MAP2K7: variants seen among roughly 807,000 people sequenced by gnomAD.
MAP2K7 encodes the protein mitogen-activated protein kinase kinase 7, also known as dual specificity mitogen-activated protein kinase kinase 7.
MAP2K7 carries 12 observed loss-of-function variants against 47.7 expected under a neutral mutation model. That is an observed-to-expected ratio of 0.25 (90% CI 0.16 to 0.41). The LOEUF (loss-of-function observed/expected upper bound fraction) is 0.41. Ranked by LOEUF, MAP2K7 falls within the 10% of genes least tolerant of loss-of-function variation. The probability of loss-of-function intolerance (pLI) is 1.00; values close to 1 mark genes in which losing one functional copy is unlikely to be tolerated. For missense variants in MAP2K7, 415 were observed against 600.3 expected, an observed-to-expected ratio of 0.69 and a Z score of 3.23; for synonymous variants, 299 against 243.0, an observed-to-expected ratio of 1.23 and a Z score of -2.14.
rs1193711898 is a variant in MAP2K7 at position 7,912,742 on chromosome 19, A to T, written c.*311A>T. 2.3e-6 allele frequency: 1 copy of T among 431,138 alleles called. No individual in the cohort carries two copies. The highest frequency in any genetic ancestry group is 4.2e-6 in the Non-Finnish European group (1 of 236,590). 26.7% of individuals were successfully genotyped at this position (431,138 alleles called of 1,614,324 possible). A position where few individuals can be genotyped will look rare whatever the true frequency, so the allele number is the denominator to read the frequency against. On this transcript the variant is annotated 3_prime_UTR_variant, in exon 11 of 11. Coordinates refer to ENST00000397979, the MANE Select transcript of MAP2K7 (RefSeq NM_145185.4). ...TGGGCCGGGGCGGCCCCCAGGGGCC[A>T]GGAGAGAGCCCTGGAGTCCCGCAGC...
At chr19:7,911,219 G>C (rs753677310) in intron 7 of MAP2K7, 31 bp from the exon 8 acceptor site, 3 of 1,609,510 alleles carry the variant, frequency 1.9e-6, no homozygotes, top group Admixed American at 3.3e-5. Flanking sequence ...CCCCAGCCTT[G>C]GAGATACGTC....
At chr19:7,905,841 C>G in intron 1 of MAP2K7, 1 of 1,612,684 alleles carries the variant, frequency 6.2e-7, no homozygotes, top group Non-Finnish European at 8.5e-7. Flanking sequence ...GCTCCTGCCC[C>G]GTCCCAACGA....
Position 7,912,489 on chromosome 19 carries a change from C to T in MAP2K7, c.*58C>T. 1.3e-6 allele frequency: 2 copies of T among 1,540,298 alleles called. No homozygotes were observed. Among genetic ancestry groups the T allele is most frequent in the South Asian group, 1.2e-5 (1 of 84,632 alleles). ...AGGGGCATGGCCACAGGCCCCCCTC[C>T]CCACTTGGCCACCCAGCTGCCTGCC... On this transcript the variant is annotated 3_prime_UTR_variant, in exon 11 of 11. Transcript: ENST00000397979.
At position 7,911,480 on chromosome 19, in the gene MAP2K7, G is replaced by A. The variant is rs770828808; in HGVS notation, c.981G>A (p.Thr327=). Residue 327 remains threonine, a synonymous_variant, in exon 9 of 11, where the codon ACG becomes ACA. Coordinates refer to ENST00000397979, the MANE Select transcript of MAP2K7 (RefSeq NM_145185.4). ...TGQFPYKNCK[T]DFEVLTKVLQ... The stretch of plus-strand genomic sequence containing the variant: ...AGTTTCCCTACAAGAACTGCAAGAC[G>A]GACTTTGAGGTCCTCACCAAAGTCC... The A allele has an allele frequency of 1.8e-5, 29 of 1,613,396 alleles. No individual in the cohort carries two copies. Among genetic ancestry groups the A allele is most frequent in the Admixed American group, 3.3e-5 (2 of 59,998 alleles).
chr19:7,904,728 A>C (rs1460951620), intron 1 of MAP2K7, among the ~76,000 whole-genome samples: 2 of 152,126 alleles, frequency 1.3e-5, no homozygotes, highest in East Asian at 3.9e-4. Context: ...AGGCCCCGCA[A>C]ATCCCTGTGA....
At chr19:7,905,302 C>T (rs1179115558) in intron 1 of MAP2K7, among the ~76,000 whole-genome samples, 2 of 152,206 alleles carry the variant, frequency 1.3e-5, no homozygotes. Flanking sequence ...CCCTGGTCAC[C>T]CAGCCTGACC....
At chr19:7,904,138 C>T (rs928917571) in intron 1 of MAP2K7, 70 bp downstream of exon 1, 47 of 1,168,242 alleles carry the variant, frequency 4.0e-5, no homozygotes, top group Non-Finnish European at 4.8e-5. Context: ...GGCCCCGCCC[C>T]CACCACAAGG....
At chr19:7,904,476 G>A (rs932400145) in intron 1 of MAP2K7, 2 of 367,432 alleles carry the variant, frequency 5.4e-6, no homozygotes, top group Non-Finnish European at 1.1e-5. Flanking sequence ...CCCCTCCCCC[G>A]GCCTGGGGGC....
chr19:7,910,853 G>T, intron 6 of MAP2K7, 50 bp downstream of exon 6: 1 of 1,573,204 alleles, frequency 6.4e-7, no homozygotes, highest in Non-Finnish European at 8.7e-7. Flanking sequence ...GAGGCGGTGA[G>T]TGACCAGGCG....
chr19:7,912,027 G>C (rs898496107), intron 9 of MAP2K7, 122 bp from the exon 10 acceptor site: 11 of 865,608 alleles, frequency 1.3e-5, no homozygotes, highest in Non-Finnish European at 2.1e-5. Context: ...GACATCCACA[G>C]CTCCTTCCCC....
At position 7,910,764 on chromosome 19, in the gene MAP2K7, C is replaced by T. The variant is rs1029081687; in HGVS notation, c.636C>T (p.Gly212=). ...AGAAGCTCAAGAAGCGGATGCAGGG[C>T]CCCATCCCCGAGCGCATTCTGGGCA... ...CAEKLKKRMQ[G]PIPERILGKM... Residue 212 remains glycine, a synonymous_variant, in exon 6 of 11, where the codon GGC becomes GGT. Transcript: ENST00000397979. The T allele has an allele frequency of 5.0e-6, 8 of 1,611,204 alleles. No individual in the cohort carries two copies. The highest frequency in any genetic ancestry group is 5.9e-6 in the Non-Finnish European group (7 of 1,179,416).
In MAP2K7 at chr19:7,906,148, G is replaced by A. The variant is rs559922799; in HGVS notation, c.124+2080G>A. On this transcript the variant is annotated intron_variant, in intron 1 of 10. Transcript: ENST00000397979. ...GTCTGTGGCCTCCGGGGGTGGGGGGGGTGCACGCCTGTGTGTGTGTAACTG... is the reference window on the plus strand; with the variant it reads ...GTCTGTGGCCTCCGGGGGTGGGGGGAGTGCACGCCTGTGTGTGTGTAACTG... The A allele has an allele frequency of 7.1e-4, 337 of 472,952 alleles. 1 individual carries two copies. Among genetic ancestry groups the A allele is most frequent in the African/African-American group, 5.6e-3 (287 of 51,610 alleles). The allele number at this position is 472,952 out of a possible 1,614,324, so 29.3% of individuals were successfully genotyped here. A position where few individuals can be genotyped will look rare whatever the true frequency, so the allele number is the denominator to read the frequency against.
rs548957938 is a variant in MAP2K7 at position 7,904,255 on chromosome 19, G to A, written c.124+187G>A. Reference sequence around the variant, plus strand: ...GGGGGGCGTGGAGCCGGCGAGCTCCGGGGGGTTCGCACCCTCAGGGCTTGG... The same window carrying A: ...GGGGGGCGTGGAGCCGGCGAGCTCCAGGGGGTTCGCACCCTCAGGGCTTGG... On this transcript the variant is annotated intron_variant, in intron 1 of 10. Coordinates refer to ENST00000397979, the MANE Select transcript of MAP2K7 (RefSeq NM_145185.4). 1.5e-3 allele frequency among the ~76,000 whole-genome samples: 235 copies of A among 152,160 alleles called. 1 individual carries two copies. Among genetic ancestry groups the A allele is most frequent in the African/African-American group, 5.2e-3 (217 of 41,556 alleles).
chr19:7,911,553 G>A lies in MAP2K7; in HGVS notation c.1054G>A (p.Asp352Asn), dbSNP rs1982873203. ...LLPGHMGFSG[D>N]FQSFVKDCLT... is the part of the protein sequence containing the mutation. ...GCCCGGACACATGGGCTTCTCGGGG[G>A]ACTTCCAGTCCTTCGTCAAAGACTG... Residue 352 changes from aspartate (D) to asparagine (N), a missense_variant, in exon 9 of 11, where the codon GAC becomes AAC. Asp to Asn is a conservative substitution (Grantham distance 23, BLOSUM62 1). This residue lies in a region of MAP2K7 where 94 missense variants were observed against 105.2 expected (regional missense o/e 0.89). Coordinates refer to ENST00000397979, the MANE Select transcript of MAP2K7 (RefSeq NM_145185.4). The A allele has an allele frequency of 1.2e-6, 2 of 1,601,758 alleles. No individual in the cohort carries two copies. The highest frequency in any genetic ancestry group is 1.7e-5 in the Admixed American group (1 of 59,316).
intron 7 of MAP2K7, 36 bp downstream of exon 7, chr19:7,911,195 G>A (rs781307033): frequency 1.2e-6 from 2 of 1,608,026 alleles, no homozygotes; most frequent in Non-Finnish European, 1.7e-6. Flanking sequence ...AGGGGGTGGG[G>A]GCTGGGAGGC....
At chr19:7,904,495 C>CCCGTG (rs763705607) in intron 1 of MAP2K7, 2 of 339,498 alleles carry the variant, frequency 5.9e-6, no homozygotes, top group South Asian at 4.0e-5. Flanking sequence ...GCTTGTCAGC[C>CCCGTG]CCGTGCAGCG....
At chr19:7,907,571 C>T (rs564599566) in intron 1 of MAP2K7, among the ~76,000 whole-genome samples, 3 of 152,196 alleles carry the variant, frequency 2.0e-5, no homozygotes, top group Non-Finnish European at 4.4e-5. Context: ...GCCATCACCA[C>T]CTCTGTGGCC....
chr19:7,910,651 G>T lies in MAP2K7; in HGVS notation c.568-45G>T, dbSNP rs372815887. The T allele has an allele frequency of 6.2e-6, 10 of 1,607,780 alleles. No homozygotes were observed. The East Asian group carries it at 9.0e-5, about 14-fold the overall frequency. ...TCCTAGGGAGCAGAGCCTCTGGGGG[G>T]TGGGCCGGAAGACACAGCTCCCCCG... On this transcript the variant is annotated intron_variant, in intron 5 of 10. Transcript: ENST00000397979.
chr19:7,904,411 C>T (rs902987605), intron 1 of MAP2K7: 3 of 344,812 alleles, frequency 8.7e-6, no homozygotes, highest in African/African-American at 4.5e-5. Flanking sequence ...AACACAGACA[C>T]GTCCCTGTTG....
Sources: allele counts gnomAD v4.1 joint callset (sites outside exome capture counted in the v4.1 genomes callset), GRCh38; gene constraint gnomAD v4.1.1; regional missense constraint gnomAD v4.1.1; transcripts MANE v1.5; gene names NCBI Gene and HGNC (gene_info 2026-07-23, HGNC 2026-07-21).